Variants in AOPEP observed in about 807,000 individuals in gnomAD.
AOPEP encodes aminopeptidase O (putative).
A neutral mutation model predicts 98.1 loss-of-function variants in AOPEP; 77 were observed. That is an observed-to-expected ratio of 0.78 (90% CI 0.65 to 0.95). The LOEUF is 0.95. AOPEP is among the 40% of genes least tolerant of loss of function. AOPEP has a pLI of 0.00. For synonymous variants in AOPEP, 346 were observed against 365.3 expected, an observed-to-expected ratio of 0.95 and a Z score of 0.60; for missense variants, 1,024 against 1,024.7, an observed-to-expected ratio of 1.00 and a Z score of 0.01.
At chr9:94,875,807 T>A (rs528782235) in intron 5 of AOPEP, among the ~76,000 whole-genome samples, 1 of 152,350 alleles carries the variant, frequency 6.6e-6, no homozygotes, top group African/African-American at 2.4e-5. Context: ...CCACTCTCAT[T>A]ACAGTTGTAA....
the AOPEP span, among the ~76,000 whole-genome samples, chr9:95,115,600 G>A: frequency 6.6e-6 from 1 of 152,348 alleles, no homozygotes; most frequent in Admixed American, 6.5e-5. Flanking sequence ...TTTAAATACA[G>A]CTGAGCAGCA....
intron 5 of AOPEP, among the ~76,000 whole-genome samples, chr9:94,840,123 T>C (rs1445873053): frequency 6.6e-6 from 1 of 152,222 alleles, no homozygotes; most frequent in Non-Finnish European, 1.5e-5. Flanking sequence ...AAGTATGACA[T>C]GAGCTGTAGG....
chr9:94,863,579 C>G (rs189653782), intron 5 of AOPEP, among the ~76,000 whole-genome samples: 1 of 152,124 alleles, frequency 6.6e-6, no homozygotes, highest in Non-Finnish European at 1.5e-5. Context: ...CAACGCCCAG[C>G]TAATTTTTGA....
intron 15 of AOPEP, 164 bp downstream of exon 15, chr9:95,080,944 C>T (rs953055612): frequency 1.6e-6 from 1 of 618,828 alleles, no homozygotes; most frequent in South Asian, 2.0e-5. Context: ...TTCTGAGCTG[C>T]TTTTTTCCTC....
chr9:94,787,635 G>T (rs1377617397), intron 3 of AOPEP, among the ~76,000 whole-genome samples: 1 of 152,108 alleles, frequency 6.6e-6, no homozygotes, highest in African/African-American at 2.4e-5. Flanking sequence ...TCTTTCTTCT[G>T]AGTTATATTT....
At chr9:95,083,639 CCA>C (rs752991678) in intron 16 of AOPEP, among the ~76,000 whole-genome samples, 33 of 150,124 alleles carry the variant, frequency 2.2e-4, no homozygotes, top group Non-Finnish European at 4.4e-4. Context: ...AGCACACACA[CCA>C]CACACAGCGC....
At chr9:95,138,242 T>C in the AOPEP span, among the ~76,000 whole-genome samples, 26 of 152,334 alleles carry the variant, frequency 1.7e-4, no homozygotes, top group Non-Finnish European at 1.5e-5. Context: ...CAGGACCACG[T>C]TGGCTCTGAG....
At chr9:95,148,931 ACTAT>A in the AOPEP span, among the ~76,000 whole-genome samples, 1 of 152,204 alleles carries the variant, frequency 6.6e-6, no homozygotes, top group Non-Finnish European at 1.5e-5. Context: ...TTTCCCAATT[ACTAT>A]CTATGTGGGG....
At chr9:94,776,957 T>G (rs1269308372) in intron 3 of AOPEP, among the ~76,000 whole-genome samples, 1 of 152,012 alleles carries the variant, frequency 6.6e-6, no homozygotes, top group Non-Finnish European at 1.5e-5. Flanking sequence ...TGGTACATTT[T>G]CTGAGCCCTC....
At chr9:94,770,946 G>C (rs1207512011) in intron 2 of AOPEP, among the ~76,000 whole-genome samples, 1 of 152,210 alleles carries the variant, frequency 6.6e-6, no homozygotes, top group Non-Finnish European at 1.5e-5. Flanking sequence ...CTTCACAGAA[G>C]TCTTCCTTTC....
intron 7 of AOPEP, among the ~76,000 whole-genome samples, chr9:94,944,815 A>G (rs2057433547): frequency 6.6e-6 from 1 of 152,208 alleles, no homozygotes; most frequent in Admixed American, 6.5e-5. Flanking sequence ...ATTACATTCT[A>G]AAGTTTATTG....
intron 5 of AOPEP, among the ~76,000 whole-genome samples, chr9:94,823,836 C>G (rs1853833448): frequency 6.6e-6 from 1 of 152,174 alleles, no homozygotes; most frequent in South Asian, 2.1e-4. Flanking sequence ...ACTGAGAACC[C>G]TAGGCATTGC....
intron 14 of AOPEP, 136 bp from the exon 15 acceptor site, chr9:95,080,558 A>G (rs982192472): frequency 1.6e-5 from 10 of 641,628 alleles, no homozygotes; most frequent in Admixed American, 1.2e-4. Context: ...AAGAAAATGT[A>G]AAACTAAGTG....
chr9:94,927,438 T>C (rs2054521941), intron 6 of AOPEP, among the ~76,000 whole-genome samples: 1 of 152,160 alleles, frequency 6.6e-6, no homozygotes, highest in East Asian at 1.9e-4. Context: ...GGTAGTCTGC[T>C]CCAGGCCTGA....
chr9:94,876,417 G>A (rs957820465), intron 5 of AOPEP, among the ~76,000 whole-genome samples: 36 of 150,520 alleles, frequency 2.4e-4, no homozygotes, highest in Admixed American at 2.0e-4. Flanking sequence ...CCAGGCTGGA[G>A]TGCAATGGCG....
intron 5 of AOPEP, among the ~76,000 whole-genome samples, chr9:94,885,975 G>A (rs2048197029): frequency 6.6e-6 from 1 of 152,038 alleles, no homozygotes; most frequent in South Asian, 2.1e-4. Flanking sequence ...GTTCAGTAAC[G>A]AACAACTGAC....
intron 14 of AOPEP, among the ~76,000 whole-genome samples, chr9:95,068,221 T>A (rs2068108895): frequency 6.6e-6 from 1 of 152,256 alleles, no homozygotes; most frequent in African/African-American, 2.4e-5. Flanking sequence ...TGCTGGATTA[T>A]AACCCTTGTT....
At chr9:94,904,151 A>G (rs1372727676) in intron 5 of AOPEP, 1 of 152,150 alleles carries the variant, frequency 6.6e-6, no homozygotes, top group Non-Finnish European at 1.5e-5. Context: ...ATCCCTCCAG[A>G]AGTAAAGGAG....
In AOPEP at chr9:94,937,299, T is replaced by C. The variant is rs576187928; in HGVS notation, c.1661+8768T>C. On this transcript the variant is annotated intron_variant, in intron 7 of 16. Coordinates refer to ENST00000375315, the MANE Select transcript of AOPEP (RefSeq NM_001193329.3). ...AGGAAACGAGGACAAAAACCAAATA[T>C]ACACTCCACAGTGTGACAGCCATCT... is the stretch of plus-strand genomic sequence containing the variant. Among the ~76,000 whole-genome samples the C allele has an allele frequency of 3.3e-5, 5 of 152,332 alleles. No homozygotes were observed. The South Asian group carries it at 1.0e-3, about 32-fold the overall frequency.
Sources: gnomAD v4.1 joint callset for allele counts (sites outside exome capture counted in the v4.1 genomes callset) on GRCh38, gnomAD v4.1.1 for gene constraint, MANE v1.5 for transcripts, NCBI Gene and HGNC (gene_info 2026-07-23, HGNC 2026-07-21) for gene names.